Variants in SCP2 observed in about 807,000 individuals in gnomAD.
SCP2 encodes sterol carrier protein 2, also known as SCP-2/3-oxoacyl-CoA thiolase.
Under a neutral mutation model 71.4 loss-of-function variants are expected in SCP2, and 48 were observed. The observed-to-expected ratio is 0.67, with a 90% CI of 0.53 to 0.86. SCP2 has a LOEUF of 0.86. SCP2 is among the 40% of genes least tolerant of loss of function. The pLI is 0.00. For synonymous variants in SCP2, 220 were observed against 218.1 expected (o/e 1.01, Z -0.08); for missense variants, 560 against 655.6 (o/e 0.85, Z 1.59).
Position 53,051,271 on chromosome 1 carries a change from G to A in SCP2, c.*567G>A, listed in dbSNP as rs2150283151. On this transcript the variant is annotated 3_prime_UTR_variant, in exon 16 of 16. Coordinates refer to ENST00000371514, the MANE Select transcript of SCP2 (RefSeq NM_002979.5). ...AATCAAAATAAAAGAAATATGATCAGAGCTTGAACACAGGCTTATTTTTAA... is the reference window on the plus strand; with the variant it reads ...AATCAAAATAAAAGAAATATGATCAAAGCTTGAACACAGGCTTATTTTTAA... 1 of 152,302 alleles carries A rather than the reference G, an allele frequency of 6.6e-6. No individual in the cohort carries two copies. The highest frequency in any genetic ancestry group is 1.9e-4 in the East Asian group (1 of 5,196). 9.4% of individuals were successfully genotyped at this position (152,302 alleles called of 1,614,324 possible).
intron 12 of SCP2, among the ~76,000 whole-genome samples, chr1:53,026,820 AG>A (rs1662163869): frequency 6.6e-6 from 1 of 152,152 alleles, no homozygotes; most frequent in Admixed American, 6.6e-5. Flanking sequence ...AGAGAGAAAA[AG>A]TATGAAATAA....
At chr1:52,961,825 G>A (rs1437023885) in intron 6 of SCP2, among the ~76,000 whole-genome samples, 196 bp downstream of exon 6, 1 of 152,160 alleles carries the variant, frequency 6.6e-6, no homozygotes, top group African/African-American at 2.4e-5. Flanking sequence ...TATGGTATGG[G>A]AAGTACCTAG....
chr1:52,994,768 C>T (rs764650789), intron 11 of SCP2: 8 of 604,318 alleles, frequency 1.3e-5, no homozygotes, highest in Non-Finnish European at 1.7e-5. Context: ...GTGTGGCAAC[C>T]GGATGGGTGC....
chr1:52,993,273 C>G (rs756669751), intron 11 of SCP2: 1 of 1,614,172 alleles, frequency 6.2e-7, no homozygotes, highest in Non-Finnish European at 8.5e-7. Context: ...CATTCCTGCT[C>G]TTGAAATTTC....
chr1:52,956,339 G>A (rs1655791667), intron 5 of SCP2, among the ~76,000 whole-genome samples: 1 of 152,052 alleles, frequency 6.6e-6, no homozygotes, highest in Admixed American at 6.6e-5. Context: ...ATTTTTTACT[G>A]TTATCTAAGA....
intron 11 of SCP2, among the ~76,000 whole-genome samples, chr1:53,009,708 T>C (rs911610953): frequency 1.2e-4 from 18 of 152,162 alleles, no homozygotes; most frequent in Non-Finnish European, 2.1e-4. Context: ...ATTCAGGCCA[T>C]AGGCATGGGC....
chr1:52,993,244 T>C (rs767793705), intron 11 of SCP2: 3 of 1,613,846 alleles, frequency 1.9e-6, no homozygotes, highest in Non-Finnish European at 2.5e-6. Flanking sequence ...CTTTCCGTGT[T>C]GGTTCTGGTG....
Position 53,041,570 on chromosome 1 carries a change from G to A in SCP2, c.1468+2524G>A, listed in dbSNP as rs79273730. On this transcript the variant is annotated intron_variant, in intron 14 of 15. Transcript: ENST00000371514. ...CATTAGACCTGATGAATTGAAAGGG[G>A]TGAGAGATCAGAAACAGAGAGAGCC... Among the ~76,000 whole-genome samples, 948 of 152,274 alleles carry A rather than the reference G, an allele frequency of 6.2e-3. 14 individuals carry two copies. Among genetic ancestry groups the A allele is most frequent in the African/African-American group, 0.022 (911 of 41,548 alleles).
chr1:53,026,549 T>C (rs1662144030), intron 12 of SCP2, among the ~76,000 whole-genome samples: 1 of 151,182 alleles, frequency 6.6e-6, no homozygotes, highest in African/African-American at 2.4e-5. Flanking sequence ...GGCTCACATC[T>C]GTAATCTCAG....
intron 6 of SCP2, among the ~76,000 whole-genome samples, chr1:52,970,682 T>G (rs999893994): frequency 6.6e-6 from 1 of 152,094 alleles, no homozygotes; most frequent in Admixed American, 6.6e-5. Flanking sequence ...GTCTTTCTTT[T>G]CTTGGTAGTT....
chr1:53,023,241 GAC>G (rs2150239098), intron 12 of SCP2, among the ~76,000 whole-genome samples: 1 of 152,246 alleles, frequency 6.6e-6, no homozygotes, highest in East Asian at 1.9e-4. Flanking sequence ...CAAGATAAAA[GAC>G]ACACCTGTGA....
At chr1:52,943,897 G>T in intron 2 of SCP2, 1 of 437,540 alleles carries the variant, frequency 2.3e-6, no homozygotes, top group Non-Finnish European at 4.6e-6. Context: ...CTTTACCAGT[G>T]GTTCATTTCG....
intron 4 of SCP2, among the ~76,000 whole-genome samples, chr1:52,952,465 G>T (rs1383038683): frequency 6.6e-6 from 1 of 152,124 alleles, no homozygotes. Flanking sequence ...GGCTTTAAGC[G>T]ATCTTCCTGC....
intron 1 of SCP2, among the ~76,000 whole-genome samples, chr1:52,936,021 T>C (rs956423828): frequency 1.3e-5 from 2 of 152,188 alleles, no homozygotes; most frequent in Non-Finnish European, 2.9e-5. Context: ...ATGTACTTCA[T>C]AGACTTCAAC....
intron 12 of SCP2, among the ~76,000 whole-genome samples, chr1:53,026,194 G>A (rs773092939): frequency 2.1e-3 from 320 of 152,208 alleles, no homozygotes; most frequent in Non-Finnish European, 3.1e-3. Context: ...TGTAATTTGT[G>A]AAAATCAAAT....
chr1:53,050,626 A>G lies in SCP2; in HGVS notation c.1566A>G (p.Lys522=), dbSNP rs1209289358. The stretch of plus-strand genomic sequence containing the variant: ...CTTCACAGGCCTTCTTTCAAGGCAA[A>G]TTGAAAATCACTGGCAACATGGGTC... ...MNPQSAFFQG[K]LKITGNMGLA... Residue 522 remains lysine, a synonymous_variant, in exon 16 of 16, where the codon AAA becomes AAG. Transcript: ENST00000371514. 6.2e-7 allele frequency: 1 copy of G among 1,613,216 alleles called. No homozygotes were observed. The highest frequency in any genetic ancestry group is 8.5e-7 in the Non-Finnish European group (1 of 1,179,324).
intron 13 of SCP2, among the ~76,000 whole-genome samples, chr1:53,037,366 T>G (rs1280720757): frequency 6.6e-6 from 1 of 152,144 alleles, no homozygotes; most frequent in Non-Finnish European, 1.5e-5. Context: ...GCTCCTGCAG[T>G]CCCCTGTGTT....
At chr1:52,961,396 G>A (rs1451399340) in intron 5 of SCP2, 107 bp from the exon 6 acceptor site, 2 of 1,136,762 alleles carry the variant, frequency 1.8e-6, no homozygotes, top group Admixed American at 1.9e-5. Context: ...ACAATTTCTG[G>A]TGTACTATGT....
chr1:52,927,370 C>G lies in SCP2; in HGVS notation c.-27C>G. ...CAGTGCCGGCAGTCGTCCGCGGCGC[C>G]CGCCCCGGTCCCGCACTGGTGCAGC... On this transcript the variant is annotated 5_prime_UTR_variant, in exon 1 of 16. Transcript: ENST00000371514. 4 of 1,561,722 alleles carry G rather than the reference C, an allele frequency of 2.6e-6. No individual in the cohort carries two copies. Among genetic ancestry groups the G allele is most frequent in the Non-Finnish European group, 3.5e-6 (4 of 1,152,622 alleles).
Sources: gnomAD v4.1 joint callset for allele counts (sites outside exome capture counted in the v4.1 genomes callset) on GRCh38, gnomAD v4.1.1 for gene constraint, MANE v1.5 for transcripts, NCBI Gene and HGNC (gene_info 2026-07-23, HGNC 2026-07-21) for gene names.